KCND3: variants seen among roughly 807,000 people sequenced by gnomAD.
The protein encoded by KCND3 is A-type voltage-gated potassium channel KCND3.
Under a neutral mutation model 51.1 loss-of-function variants are expected in KCND3, and 9 were observed. That is an observed-to-expected ratio of 0.18 (90% confidence interval 0.11 to 0.31). KCND3 has a LOEUF of 0.31. KCND3 is among the 10% of genes least tolerant of loss of function. The probability of loss-of-function intolerance (pLI) is 1.00; values close to 1 mark genes in which losing one functional copy is unlikely to be tolerated. For synonymous variants in KCND3, 349 were observed against 368.0 expected, an observed-to-expected ratio of 0.95 and a Z score of 0.59; for missense variants, 526 against 903.8, an observed-to-expected ratio of 0.58 and a Z score of 5.36.
In KCND3 at chr1:111,981,515, A is replaced by C. The variant is rs908505269; in HGVS notation, c.1106+106T>G. ...TTCCCCTGCCCCCAACACTTGGGTA[A>C]GGGACTCCCTCCTCCTCTACCCATG... On this transcript the variant is annotated intron_variant, in intron 2 of 7. Coordinates refer to ENST00000302127, the MANE Select transcript of KCND3 (RefSeq NM_001378969.1). This position sits in a 1 kb window ranked among gnomAD's most constrained non-coding sequence, Gnocchi z 6.2. 29 of 1,517,544 alleles carry C rather than the reference A, an allele frequency of 1.9e-5. No individual in the cohort carries two copies. The Middle Eastern group carries it at 8.5e-4, about 44-fold the overall frequency. 94.0% of individuals were successfully genotyped at this position (1,517,544 alleles called of 1,614,324 possible). A position where few individuals can be genotyped will look rare whatever the true frequency, so the allele number is the denominator to read the frequency against.
chr1:111,897,054 A>G, intron 2 of KCND3, among the ~76,000 whole-genome samples: 1 of 152,218 alleles, frequency 6.6e-6, no homozygotes, highest in East Asian at 1.9e-4. Flanking sequence ...TTGTATTCCC[A>G]GGGCTTAGCA....
At chr1:111,942,286 C>T (rs1672560072) in intron 2 of KCND3, among the ~76,000 whole-genome samples, 1 of 152,218 alleles carries the variant, frequency 6.6e-6, no homozygotes, top group South Asian at 2.1e-4. Flanking sequence ...TAGCCACAAT[C>T]CCCCGTCCCT....
At position 111,821,746 on chromosome 1, in the gene KCND3, A is replaced by AT. The variant is rs761233105; in HGVS notation, c.1107-34641dup. Among the ~76,000 whole-genome samples the AT allele has an allele frequency of 1.4e-3, 220 of 152,240 alleles. 2 individuals carry two copies. Among genetic ancestry groups the AT allele is most frequent in the Non-Finnish European group, 1.4e-3 (94 of 68,002 alleles). On this transcript the variant is annotated intron_variant, in intron 2 of 7. Coordinates refer to ENST00000302127, the MANE Select transcript of KCND3 (RefSeq NM_001378969.1). ...ATGTGTCTCACCCTGGGCTCTTGTC[A>AT]TCTCTGCCAGCAGGCATGGCCTCCT... is the stretch of plus-strand genomic sequence containing the variant.
intron 2 of KCND3, among the ~76,000 whole-genome samples, chr1:111,876,807 G>A (rs1012094742): frequency 6.6e-6 from 1 of 152,166 alleles, no homozygotes; most frequent in African/African-American, 2.4e-5. Flanking sequence ...GAGAAGGAGG[G>A]GCTGGAGCTT....
At chr1:111,861,794 C>G (rs1172421179) in intron 2 of KCND3, among the ~76,000 whole-genome samples, 1 of 152,214 alleles carries the variant, frequency 6.6e-6, no homozygotes, top group Non-Finnish European at 1.5e-5. Flanking sequence ...TAGATGGCAA[C>G]TGAGAAATTC....
chr1:111,775,854 T>G lies in KCND3; in HGVS notation c.*223A>C, dbSNP rs1664081330. 6.5e-6 allele frequency: 1 copy of G among 153,306 alleles called. No homozygotes were observed. The highest frequency in any genetic ancestry group is 7.2e-5 in the South Asian group (1 of 13,970). 9.5% of individuals were successfully genotyped at this position (153,306 alleles called of 1,614,324 possible). A position where few individuals can be genotyped will look rare whatever the true frequency, so the allele number is the denominator to read the frequency against. ...CCTCCCTCCCTTCCTCTGGCCCCAG[T>G]GAGATGCAGTATCACAGGGCTATGT... On this transcript the variant is annotated 3_prime_UTR_variant, in exon 8 of 8. Coordinates refer to ENST00000302127, the MANE Select transcript of KCND3 (RefSeq NM_001378969.1).
At chr1:111,931,682 C>T (rs558291065) in intron 2 of KCND3, among the ~76,000 whole-genome samples, 7 of 152,314 alleles carry the variant, frequency 4.6e-5, no homozygotes, top group East Asian at 3.9e-4. Flanking sequence ...CAGCACAAAA[C>T]GAAGGCTTAG....
intron 2 of KCND3, among the ~76,000 whole-genome samples, chr1:111,941,671 A>T (rs562408850): frequency 6.6e-6 from 1 of 152,280 alleles, no homozygotes; most frequent in African/African-American, 2.4e-5. Flanking sequence ...CTGCTCCTAC[A>T]GTCCCAAGCA....
chr1:111,925,748 G>A (rs537511902), intron 2 of KCND3, among the ~76,000 whole-genome samples: 3 of 152,230 alleles, frequency 2.0e-5, no homozygotes, highest in Admixed American at 2.0e-4. Context: ...TGCCCATGTG[G>A]TTTATCAGGC....
intron 2 of KCND3, among the ~76,000 whole-genome samples, chr1:111,842,507 G>T (rs905111203): frequency 6.6e-6 from 1 of 152,196 alleles, no homozygotes; most frequent in Non-Finnish European, 1.5e-5. Context: ...ATGCAGTGGG[G>T]GCTGGGAGGG....
chr1:111,931,000 T>A (rs1571865373), intron 2 of KCND3, among the ~76,000 whole-genome samples: 1 of 152,248 alleles, frequency 6.6e-6, no homozygotes, highest in East Asian at 1.9e-4. Flanking sequence ...CCCCTGTCTT[T>A]GTGATGAAGG....
chr1:111,887,367 G>C (rs1400139366), intron 2 of KCND3, among the ~76,000 whole-genome samples: 5 of 152,136 alleles, frequency 3.3e-5, no homozygotes, highest in Admixed American at 2.0e-4. Context: ...GAGACAGAAG[G>C]GGGAGAACCA....
intron 2 of KCND3, among the ~76,000 whole-genome samples, chr1:111,975,918 C>T (rs571020043): frequency 1.3e-5 from 2 of 152,308 alleles, no homozygotes; most frequent in African/African-American, 4.8e-5. Flanking sequence ...GGTCTCTGCT[C>T]GAATATCTGA....
intron 2 of KCND3, among the ~76,000 whole-genome samples, chr1:111,863,104 G>C (rs774206499): frequency 6.6e-6 from 1 of 152,218 alleles, no homozygotes; most frequent in Non-Finnish European, 1.5e-5. Context: ...ACAATGGGCT[G>C]GGCAGGGCTA....
At chr1:111,908,653 G>A (rs751688986) in intron 2 of KCND3, among the ~76,000 whole-genome samples, 4 of 151,962 alleles carry the variant, frequency 2.6e-5, no homozygotes, top group Admixed American at 6.6e-5. Context: ...CTTCTCTCCC[G>A]TGTTCCAGTG....
intron 2 of KCND3, among the ~76,000 whole-genome samples, chr1:111,978,018 A>G (rs3008542): frequency 0.12 from 18,602 of 152,256 alleles, 1,219 homozygotes; most frequent in Non-Finnish European, 0.14. Flanking sequence ...GCAAAGCATA[A>G]AGGGTCTTCC....
chr1:111,880,391 G>A (rs539679216), intron 2 of KCND3, among the ~76,000 whole-genome samples: 1 of 152,300 alleles, frequency 6.6e-6, no homozygotes, highest in South Asian at 2.1e-4. Flanking sequence ...GGGCGCCATG[G>A]AGAGTTTAGC....
In KCND3 at chr1:111,982,076, C is replaced by A. The variant is rs186974111; in HGVS notation, c.651G>T (p.Pro217=). The A allele has an allele frequency of 6.2e-7, 1 of 1,613,714 alleles. No homozygotes were observed. Among genetic ancestry groups the A allele is most frequent in the Non-Finnish European group, 8.5e-7 (1 of 1,179,956 alleles). ...AGGCCACCGAGTAGCGCTCCCCGCA[C>A]GGCAGCTCCTTGCTGCCCGGGACCG... ...CGTVPGSKEL[P]CGERYSVAFF... is the part of the protein sequence containing the mutation. Residue 217 remains proline (P), a synonymous_variant, in exon 2 of 8, where the codon CCG becomes CCT. Transcript: ENST00000302127. This position sits in a 1 kb window ranked among gnomAD's most constrained non-coding sequence, Gnocchi z 8.5.
intron 2 of KCND3, among the ~76,000 whole-genome samples, chr1:111,874,683 C>T (rs1668971216): frequency 6.6e-6 from 1 of 152,180 alleles, no homozygotes; most frequent in Non-Finnish European, 1.5e-5. Context: ...GAGGTGAACT[C>T]GTCAATGCTT....
Sources: allele counts gnomAD v4.1 joint callset (sites outside exome capture counted in the v4.1 genomes callset), GRCh38; gene constraint gnomAD v4.1.1; non-coding constraint Gnocchi (gnomAD v3.1); transcripts MANE v1.5; gene names NCBI Gene and HGNC (gene_info 2026-07-23, HGNC 2026-07-21).